TOGARAM2: variants seen among roughly 807,000 people sequenced by gnomAD.
TOGARAM2 encodes TOG array regulator of axonemal microtubules 2, also known as TOG array regulator of axonemal microtubules protein 2.
A neutral mutation model predicts 93.3 loss-of-function variants in TOGARAM2; 85 were observed. The ratio of observed to expected loss-of-function variants is 0.91; its 90% CI spans 0.76 to 1.09. TOGARAM2 has a LOEUF of 1.09. Ranked by LOEUF, TOGARAM2 falls within the 50% of genes least tolerant of loss-of-function variation. TOGARAM2 has a pLI of 0.00. For synonymous variants in TOGARAM2, 593 were observed against 552.8 expected, an observed-to-expected ratio of 1.07 and a Z score of -1.02; for missense variants, 1,277 against 1,334.5, an observed-to-expected ratio of 0.96 and a Z score of 0.67.
At position 29,033,559 on chromosome 2, in the gene TOGARAM2, G is replaced by C; in HGVS notation, c.2221G>C (p.Glu741Gln). The change falls in exon 16 of 20, where the codon GAG (glutamate) becomes CAG (glutamine). Residue 741 changes from glutamate (E) to glutamine (Q), a missense_variant. By Grantham distance (29) the Glu-to-Gln change is conservative. Transcript: ENST00000379558. The part of the protein sequence containing the change: ...VVCENGLPIK[E>Q]GLSCNGPRLV... ...GTGTGAGAACGGGCTGCCCATCAAG[G>C]AGGGGTATGGCTGCTCCTGTATCTC... 1 of 1,613,012 alleles carries C rather than the reference G, an allele frequency of 6.2e-7. No individual in the cohort carries two copies. The highest frequency in any genetic ancestry group is 8.5e-7 in the Non-Finnish European group (1 of 1,179,552).
rs1484650561 is a variant in TOGARAM2 at position 28,998,249 on chromosome 2, A to G, written c.135A>G (p.Gly45=). The change falls in exon 3 of 20, where the codon GGA becomes GGG. Residue 45 remains glycine, a synonymous_variant. Transcript: ENST00000379558. ...GCATCAACTCCAGTCTGCCTCATGG[A>G]GAAGGTGAGATGGGAAGACCTCACC... ...PGSINSSLPH[G]EGSLQPEPRA... is the part of the protein sequence containing the mutation. The G allele has an allele frequency of 2.5e-6, 4 of 1,609,066 alleles. No homozygotes were observed. Among genetic ancestry groups the G allele is most frequent in the Admixed American group, 1.7e-5 (1 of 59,422 alleles).
intron 16 of TOGARAM2, among the ~76,000 whole-genome samples, chr2:29,034,358 C>T (rs1479866654): frequency 6.6e-6 from 1 of 152,240 alleles, no homozygotes; most frequent in African/African-American, 2.4e-5. Context: ...AGCTCTACCA[C>T]TCTGTGTCCT....
chr2:29,020,597 G>C (rs1664877011), intron 10 of TOGARAM2, among the ~76,000 whole-genome samples: 1 of 152,230 alleles, frequency 6.6e-6, no homozygotes, highest in South Asian at 2.1e-4. Flanking sequence ...CCCCCTGCCA[G>C]TGCCTTTTGT....
chr2:28,980,967 A>G (rs2148232873), upstream of TOGARAM2, among the ~76,000 whole-genome samples: 1 of 152,364 alleles, frequency 6.6e-6, no homozygotes, highest in East Asian at 1.9e-4. Flanking sequence ...CAAGGCCTGG[A>G]TGCTCACTCT....
chr2:28,977,149 T>C (rs1350627785), upstream of TOGARAM2, among the ~76,000 whole-genome samples: 2 of 152,164 alleles, frequency 1.3e-5, no homozygotes, highest in Non-Finnish European at 2.9e-5. Flanking sequence ...AAATGACAGT[T>C]TGGAAGCCCA....
At chr2:29,011,143 C>T (rs902016494) in intron 6 of TOGARAM2, among the ~76,000 whole-genome samples, 27 of 152,190 alleles carry the variant, frequency 1.8e-4, no homozygotes, top group Non-Finnish European at 5.9e-5. Flanking sequence ...AGCAGCACAG[C>T]GGGAGGGTGG....
intron 1 of TOGARAM2, among the ~76,000 whole-genome samples, chr2:28,982,030 C>A (rs887653359): frequency 1.3e-5 from 2 of 152,148 alleles, no homozygotes. Flanking sequence ...AATTCTAACC[C>A]CCCCTCTTTC....
intron 1 of TOGARAM2, among the ~76,000 whole-genome samples, chr2:28,987,843 T>A (rs1672537664): frequency 6.6e-6 from 1 of 152,236 alleles, no homozygotes; most frequent in Non-Finnish European, 1.5e-5. Flanking sequence ...GCTTCTCATC[T>A]GCGAACGGCC....
chr2:29,041,501 C>T (rs761364287), intron 18 of TOGARAM2, among the ~76,000 whole-genome samples: 29 of 152,192 alleles, frequency 1.9e-4, no homozygotes, highest in Non-Finnish European at 3.8e-4. Flanking sequence ...TAGGGGACTC[C>T]AGTCCGACTC....
chr2:28,989,238 A>G (rs1437658439), intron 1 of TOGARAM2, among the ~76,000 whole-genome samples: 5 of 151,878 alleles, frequency 3.3e-5, no homozygotes, highest in Admixed American at 6.6e-5. Context: ...TTTGGTAGAG[A>G]TGGGGTTTTG....
At chr2:28,996,753 G>A (rs1467319124) in intron 2 of TOGARAM2, among the ~76,000 whole-genome samples, 1 of 148,526 alleles carries the variant, frequency 6.7e-6, no homozygotes, top group African/African-American at 2.5e-5. Flanking sequence ...GAACCCAGGA[G>A]GCGGAGGTTG....
At chr2:29,051,718 G>A (rs1667079149) in intron 19 of TOGARAM2, 38 bp from the exon 20 acceptor site, 3 of 1,441,634 alleles carry the variant, frequency 2.1e-6, no homozygotes, top group Non-Finnish European at 2.8e-6. Flanking sequence ...GAGGGAGAGA[G>A]TGCCTGGCTC....
chr2:29,022,417 C>G lies in TOGARAM2; in HGVS notation c.1511+109C>G, dbSNP rs1665015176. On this transcript the variant is annotated intron_variant, in intron 11 of 19. Transcript: ENST00000379558. ...CCTCTCCCACTCTGGGGTTCCAGCA[C>G]CATGGAGCATAAAAGCCAGTTTGGA... 4 of 1,467,328 alleles carry G rather than the reference C, an allele frequency of 2.7e-6. No individual in the cohort carries two copies. In the South Asian group the frequency reaches 3.9e-5, roughly 14 times the overall value. 90.9% of individuals were successfully genotyped at this position (1,467,328 alleles called of 1,614,324 possible).
chr2:29,002,129 A>G (rs1673337908), intron 4 of TOGARAM2, among the ~76,000 whole-genome samples: 1 of 152,150 alleles, frequency 6.6e-6, no homozygotes, highest in Non-Finnish European at 1.5e-5. Flanking sequence ...AGTGGCAGGT[A>G]CTTGCCTGGC....
At chr2:29,000,654 G>A (rs1673238198) in intron 4 of TOGARAM2, among the ~76,000 whole-genome samples, 1 of 152,172 alleles carries the variant, frequency 6.6e-6, no homozygotes, top group Non-Finnish European at 1.5e-5. Flanking sequence ...GAGGCACGTG[G>A]TTGCTGCCGT....
At chr2:29,006,413 CAT>C (rs1663870337) in intron 6 of TOGARAM2, among the ~76,000 whole-genome samples, 1 of 79,872 alleles carries the variant, frequency 1.3e-5, no homozygotes, top group Non-Finnish European at 3.0e-5. Flanking sequence ...CATGTGTGTT[CAT>C]GTGTATCTGT....
chr2:28,970,124 A>G (rs908433982), intron 1 of TOGARAM2, among the ~76,000 whole-genome samples: 3 of 152,240 alleles, frequency 2.0e-5, no homozygotes, highest in Non-Finnish European at 4.4e-5. Context: ...GTTGTCTTGT[A>G]TACAATTCTT....
At chr2:29,032,724 T>C in intron 14 of TOGARAM2, 1 of 506,190 alleles carries the variant, frequency 2.0e-6, no homozygotes, top group Non-Finnish European at 3.5e-6. Context: ...GGAAAATATG[T>C]AAAAATTTAA....
At chr2:28,958,854 A>G (rs1671760696) in intron 1 of TOGARAM2, among the ~76,000 whole-genome samples, 1 of 152,068 alleles carries the variant, frequency 6.6e-6, no homozygotes, top group Non-Finnish European at 1.5e-5. Flanking sequence ...CTTCTGGGAG[A>G]GCAGTTGGTT....
Sources: allele counts gnomAD v4.1 joint callset (sites outside exome capture counted in the v4.1 genomes callset), GRCh38; gene constraint gnomAD v4.1.1; transcripts MANE v1.5; gene names NCBI Gene and HGNC (gene_info 2026-07-23, HGNC 2026-07-21).